Variants in ANO2 observed in about 807,000 individuals in gnomAD.
ANO2 encodes anoctamin 2, also known as anoctamin-2.
Under a neutral mutation model 124.2 loss-of-function variants are expected in ANO2, and 101 were observed. The observed-to-expected ratio is 0.81, with a 90% CI of 0.69 to 0.96. The LOEUF (loss-of-function observed/expected upper bound fraction) is 0.96, where lower values mean the gene tolerates loss of function less well. Ranked by LOEUF, ANO2 falls within the 40% of genes least tolerant of loss-of-function variation. The pLI is 0.00. For synonymous variants in ANO2, 486 were observed against 482.5 expected, an observed-to-expected ratio of 1.01 and a Z score of -0.09; for missense variants, 1,293 against 1,274.5, an observed-to-expected ratio of 1.01 and a Z score of -0.22.
chr12:5,876,312 A>G (rs1938098639), intron 3 of ANO2, among the ~76,000 whole-genome samples: 2 of 152,226 alleles, frequency 1.3e-5, no homozygotes, highest in African/African-American at 4.8e-5. Flanking sequence ...GTGCTCTTAG[A>G]ACCGCATCAT....
intron 15 of ANO2, among the ~76,000 whole-genome samples, chr12:5,645,324 G>C (rs2048083080): frequency 6.6e-6 from 1 of 152,042 alleles, no homozygotes; most frequent in South Asian, 2.1e-4. Flanking sequence ...GGGGGGCGGA[G>C]GTTGCAGTGA....
At chr12:5,688,367 A>T (rs768419673) in intron 14 of ANO2, among the ~76,000 whole-genome samples, 24 of 152,122 alleles carry the variant, frequency 1.6e-4, no homozygotes, top group Non-Finnish European at 1.0e-4. Flanking sequence ...CATCACCAGC[A>T]GGACTGGTCA....
chr12:5,798,052 T>G (rs1268548070), intron 10 of ANO2, among the ~76,000 whole-genome samples: 2 of 152,102 alleles, frequency 1.3e-5, no homozygotes, highest in Non-Finnish European at 2.9e-5. Flanking sequence ...GAATTTTTAT[T>G]TTTTAATCGT....
intron 4 of ANO2, chr12:5,851,967 A>T (rs1426420499): frequency 5.4e-6 from 4 of 738,958 alleles, no homozygotes; most frequent in African/African-American, 5.1e-5. Flanking sequence ...CTCCTTTCCA[A>T]GGATCAGCAG....
At chr12:5,588,087 T>C (rs1245115455) in intron 20 of ANO2, among the ~76,000 whole-genome samples, 2 of 149,076 alleles carry the variant, frequency 1.3e-5, no homozygotes, top group Admixed American at 6.6e-5. Context: ...GGGATCACCA[T>C]GTCAAGCACA....
intron 14 of ANO2, among the ~76,000 whole-genome samples, chr12:5,698,159 C>G (rs1949264054): frequency 6.6e-6 from 1 of 152,210 alleles, no homozygotes; most frequent in South Asian, 2.1e-4. Context: ...TCAAGTGGGT[C>G]CCGGACTCCC....
chr12:5,773,387 G>A (rs934811814), intron 10 of ANO2, among the ~76,000 whole-genome samples: 15 of 152,180 alleles, frequency 9.9e-5, no homozygotes, highest in Non-Finnish European at 1.5e-5. Flanking sequence ...TCATTTTATG[G>A]ATTGGGGAAC....
chr12:5,937,546 G>T (rs553328722), intron 1 of ANO2, among the ~76,000 whole-genome samples: 3 of 151,954 alleles, frequency 2.0e-5, no homozygotes, highest in Non-Finnish European at 4.4e-5. Flanking sequence ...TCTTTTTCAT[G>T]GATCACTTAT....
chr12:5,921,012 C>T lies in ANO2; in HGVS notation c.534+28G>A, dbSNP rs767622184. On this transcript the variant is annotated intron_variant, in intron 3 of 24. Coordinates refer to ENST00000682330, the MANE Select transcript of ANO2 (RefSeq NM_001364791.2). The stretch of plus-strand genomic sequence containing the variant: ...CGGTTCTGTGGTGCCATTCCATCTC[C>T]AAGTCCCTGGCCACCCGCCTGACTC... 6 of 1,583,936 alleles carry T rather than the reference C, an allele frequency of 3.8e-6. No individual in the cohort carries two copies. In the African/African-American group the frequency reaches 5.4e-5, roughly 14 times the overall value.
chr12:5,658,427 C>A lies in ANO2; in HGVS notation c.1546-10626G>T, dbSNP rs1947270934. ...CATTGTTATCATCATCATAACCATA[C>A]CATCAAAATTAACATAATCATCAAC... is the stretch of plus-strand genomic sequence containing the variant. On this transcript the variant is annotated intron_variant, in intron 14 of 24. Coordinates refer to ENST00000682330, the MANE Select transcript of ANO2 (RefSeq NM_001364791.2). This position sits in a 1 kb window ranked among gnomAD's most constrained non-coding sequence, Gnocchi z 4.3. 6.7e-6 allele frequency among the ~76,000 whole-genome samples: 1 copy of A among 149,052 alleles called. No homozygotes were observed. Among genetic ancestry groups the A allele is most frequent in the Non-Finnish European group, 1.5e-5 (1 of 67,382 alleles).
At chr12:5,602,787 C>CAT (rs71064164) in intron 19 of ANO2, among the ~76,000 whole-genome samples, 94,691 of 151,696 alleles carry the variant, frequency 0.62, 29,822 homozygotes, top group Admixed American at 0.72. Context: ...GAGAAACAAA[C>CAT]ATAGATCCTC....
In ANO2 at chr12:5,744,169, T is replaced by A; in HGVS notation, c.1339A>T (p.Met447Leu). Residue 447 changes from methionine (M) to leucine (L), a missense_variant, in exon 12 of 25, where the codon ATG becomes TTG. Met to Leu is a conservative substitution (Grantham distance 15). Transcript: ENST00000682330. ...GATGGCCACATACCCCACAGAGCCATGAAGATAGAGAAGAAGACGGTGGCA... is the reference window on the plus strand; with the variant it reads ...GATGGCCACATACCCCACAGAGCCAAGAAGATAGAGAAGAAGACGGTGGCA... Reference protein sequence around the residue: ...NPATVFFSIFMALWATMFLEN... With the variant: ...NPATVFFSIFLALWATMFLEN... The A allele has an allele frequency of 6.2e-7, 1 of 1,613,034 alleles. No homozygotes were observed. Among genetic ancestry groups the A allele is most frequent in the Non-Finnish European group, 8.5e-7 (1 of 1,179,820 alleles).
At chr12:5,847,077 G>A (rs970170604) in intron 4 of ANO2, among the ~76,000 whole-genome samples, 2 of 152,154 alleles carry the variant, frequency 1.3e-5, no homozygotes, top group Admixed American at 6.5e-5. Context: ...GTTTTGGGAT[G>A]AAATGAGCAT....
chr12:5,638,636 C>T (rs1416205476), intron 15 of ANO2, among the ~76,000 whole-genome samples: 2 of 151,870 alleles, frequency 1.3e-5, no homozygotes, highest in South Asian at 2.1e-4. Flanking sequence ...TCAATCTCTT[C>T]CAACTAGGTC....
intron 10 of ANO2, among the ~76,000 whole-genome samples, chr12:5,773,745 T>A (rs1242023123): frequency 6.6e-6 from 1 of 152,180 alleles, no homozygotes; most frequent in Non-Finnish European, 1.5e-5. Flanking sequence ...ACAGCAGGAA[T>A]GAGAAAGAGG....
intron 3 of ANO2, 121 bp downstream of exon 3, chr12:5,920,919 G>GA (rs1402187164): frequency 3.7e-5 from 44 of 1,200,706 alleles, no homozygotes; most frequent in South Asian, 4.9e-5. Flanking sequence ...TTCTCCAGCA[G>GA]AAAAAAAAGT....
intron 14 of ANO2, among the ~76,000 whole-genome samples, chr12:5,720,299 C>T (rs1224008037): frequency 3.3e-5 from 5 of 152,124 alleles, no homozygotes; most frequent in East Asian, 1.9e-4. Flanking sequence ...TCAAAAGAAT[C>T]GCAGGGAGCC....
intron 1 of ANO2, among the ~76,000 whole-genome samples, chr12:5,936,266 T>A (rs1434799739): frequency 6.6e-6 from 1 of 152,198 alleles, no homozygotes; most frequent in Non-Finnish European, 1.5e-5. Flanking sequence ...TTAATTTTTA[T>A]GAAGTCCATT....
chr12:5,792,278 C>A (rs909533070), intron 10 of ANO2, among the ~76,000 whole-genome samples: 4 of 152,170 alleles, frequency 2.6e-5, no homozygotes, highest in African/African-American at 9.7e-5. Context: ...TGAACACATA[C>A]ACAGGCACAT....
Sources: allele counts gnomAD v4.1 joint callset (sites outside exome capture counted in the v4.1 genomes callset), GRCh38; gene constraint gnomAD v4.1.1; non-coding constraint Gnocchi (gnomAD v3.1); transcripts MANE v1.5; gene names NCBI Gene and HGNC (gene_info 2026-07-23, HGNC 2026-07-21).